Variants in LINGO2 observed in about 807,000 individuals in gnomAD.
LINGO2 encodes the protein leucine-rich repeat and immunoglobulin-like domain-containing nogo receptor-interacting protein 2.
Under a neutral mutation model 30.6 loss-of-function variants are expected in LINGO2, and 14 were observed. That is an observed-to-expected ratio of 0.46 (90% CI 0.30 to 0.72). LINGO2 has a LOEUF of 0.72. Among genes scored for constraint, LINGO2 ranks in the 30% least tolerant of loss-of-function variants. The pLI, the probability that LINGO2 is intolerant of heterozygous loss-of-function variation, is 0.07. For synonymous variants in LINGO2, 317 were observed against 288.5 expected (o/e 1.10, Z -1.00); for missense variants, 729 against 751.7 (o/e 0.97, Z 0.35).
intron 3 of LINGO2, among the ~76,000 whole-genome samples, chr9:28,354,864 C>G (rs1820104305): frequency 6.6e-6 from 1 of 151,962 alleles, no homozygotes; most frequent in Non-Finnish European, 1.5e-5. Context: ...TAAGAGCAGC[C>G]AAATAAAACC....
the LINGO2 span, among the ~76,000 whole-genome samples, chr9:28,887,148 G>A: frequency 6.6e-6 from 1 of 152,222 alleles, no homozygotes; most frequent in East Asian, 1.9e-4. Context: ...AAACACGCTT[G>A]TCAGTTTCTA....
intron 1 of LINGO2, among the ~76,000 whole-genome samples, chr9:28,532,864 G>A (rs1026114527): frequency 6.6e-6 from 1 of 151,938 alleles, no homozygotes; most frequent in Non-Finnish European, 1.5e-5. Context: ...TTCTAATTAC[G>A]TTTACTGCCT....
rs533449228 is a variant in LINGO2 at position 28,207,871 on chromosome 9, GT to G, written c.-87+87336del. Among the ~76,000 whole-genome samples, 180 of 148,704 alleles carry G rather than the reference GT, an allele frequency of 1.2e-3. 1 individual carries two copies. The highest frequency in any genetic ancestry group is 4.2e-3 in the African/African-American group (170 of 40,672). On this transcript the variant is annotated intron_variant, in intron 4 of 5. Transcript: ENST00000379992. Reference sequence around the variant, plus strand: ...TTGAAAACTGAAAGAGAAAGAGGGTGTTTTTTTTTTAAATGTTTTGCATGAA... The same window carrying G: ...TTGAAAACTGAAAGAGAAAGAGGGTGTTTTTTTTTAAATGTTTTGCATGAA...
At chr9:28,077,695 G>T (rs1265335973) in intron 4 of LINGO2, among the ~76,000 whole-genome samples, 1 of 147,870 alleles carries the variant, frequency 6.8e-6, no homozygotes, top group African/African-American at 2.7e-5. Context: ...GAGTAGAAAA[G>T]ATGCAAAAAA....
rs1476071060 is a variant in LINGO2, at chr9:28,179,493, T to C, written c.-87+115715A>G. On this transcript the variant is annotated intron_variant, in intron 4 of 5. Transcript: ENST00000379992. ...TACTATATATAGTTTATAGTATATA[T>C]ACTATATATGTACTATATATAGTTT... Among the ~76,000 whole-genome samples, 16 of 135,100 alleles carry C rather than the reference T, an allele frequency of 1.2e-4. No individual in the cohort carries two copies. The Admixed American group carries it at 1.3e-3, about 11-fold the overall frequency. 88.6% of individuals were successfully genotyped at this position (135,100 alleles called of 152,430 possible).
At chr9:28,472,605 C>A (rs1030473301) in intron 2 of LINGO2, among the ~76,000 whole-genome samples, 2 of 152,108 alleles carry the variant, frequency 1.3e-5, no homozygotes, top group African/African-American at 4.8e-5. Context: ...AAACCCTTTC[C>A]ATTTATTTCT....
the LINGO2 span, among the ~76,000 whole-genome samples, chr9:28,996,319 T>C: frequency 1.3e-5 from 2 of 152,160 alleles, no homozygotes; most frequent in African/African-American, 4.8e-5. Flanking sequence ...GGGCTGAGGA[T>C]ACCATTCACT....
Position 28,434,529 on chromosome 9 carries a change from C to CAAAA in LINGO2, c.-279+41407_-279+41410dup, listed in dbSNP as rs3064822. Among the ~76,000 whole-genome samples, 9 of 131,020 alleles carry CAAAA rather than the reference C, an allele frequency of 6.9e-5. 1 individual carries two copies. Among genetic ancestry groups the CAAAA allele is most frequent in the African/African-American group, 2.6e-4 (9 of 34,876 alleles). The allele number at this position is 131,020 out of a possible 152,430, so 86.0% of individuals were successfully genotyped here. ...CTGCCAGAATAAAGTTCTTGAGCAT[C>CAAAA]AAAAAAAAAAAAAAAAAATACTGGA... On this transcript the variant is annotated intron_variant, in intron 2 of 5. Transcript: ENST00000379992.
intron 3 of LINGO2, among the ~76,000 whole-genome samples, chr9:28,322,023 G>T (rs1825062067): frequency 6.6e-6 from 1 of 152,148 alleles, no homozygotes; most frequent in Non-Finnish European, 1.5e-5. Flanking sequence ...AGCTTTCCAT[G>T]CTACTTGGAA....
At chr9:28,391,441 G>T (rs954919643) in intron 2 of LINGO2, among the ~76,000 whole-genome samples, 7 of 152,144 alleles carry the variant, frequency 4.6e-5, no homozygotes, top group Non-Finnish European at 1.0e-4. Flanking sequence ...AAACTTCAGT[G>T]CCTGGATTCC....
In LINGO2 at chr9:28,044,372, T is replaced by C. The variant is rs117139628; in HGVS notation, c.-86-31967A>G. 6.6e-4 allele frequency among the ~76,000 whole-genome samples: 101 copies of C among 152,286 alleles called. No homozygotes were observed. In the East Asian group the frequency reaches 0.019, roughly 28 times the overall value. ...AACGTATTTCCCCATTAAATCATGT[T>C]AGATTTCAACTAAGTCTTTTTCTTC... On this transcript the variant is annotated intron_variant, in intron 4 of 5. Coordinates refer to ENST00000379992, the Ensembl canonical transcript of LINGO2.
rs372527860 is a variant in LINGO2, at chr9:28,355,333, G to GTCTC, written c.-246+17499_-246+17502dup. On this transcript the variant is annotated intron_variant, in intron 3 of 5. Coordinates refer to ENST00000379992, the Ensembl canonical transcript of LINGO2. ...TCTCTCTCTCTCTCTCTCTGTCTCT[G>GTCTC]TCTCTCTCTCTCTCTCTCTCTCCCT... Among the ~76,000 whole-genome samples the GTCTC allele has an allele frequency of 3.3e-4, 21 of 63,830 alleles. No homozygotes were observed. In the South Asian group the frequency reaches 0.01, roughly 31 times the overall value. The allele number at this position is 63,830 out of a possible 152,430, so 41.9% of individuals were successfully genotyped here.
At chr9:28,357,315 G>GCCC (rs747187754) in intron 3 of LINGO2, among the ~76,000 whole-genome samples, 3,421 of 64,560 alleles carry the variant, frequency 0.053, 131 homozygotes, top group Non-Finnish European at 0.081. Flanking sequence ...CAGAAATAAA[G>GCCC]CCCACCCCCC....
chr9:28,349,708 A>G (rs1244277173), intron 3 of LINGO2, among the ~76,000 whole-genome samples: 11 of 144,326 alleles, frequency 7.6e-5, no homozygotes, highest in Non-Finnish European at 1.7e-4. Context: ...CAGATTCACC[A>G]AAGTTGAAAT....
chr9:28,948,299 A>G, the LINGO2 span, among the ~76,000 whole-genome samples: 2 of 152,148 alleles, frequency 1.3e-5, no homozygotes, highest in Non-Finnish European at 2.9e-5. Flanking sequence ...ATGTCTTTCT[A>G]AAAGTTGAAT....
intron 1 of LINGO2, among the ~76,000 whole-genome samples, chr9:28,486,804 T>G (rs980062638): frequency 1.3e-5 from 2 of 151,944 alleles, no homozygotes; most frequent in African/African-American, 4.8e-5. Context: ...AAAATAATAA[T>G]AAAATAGTGA....
intron 4 of LINGO2, among the ~76,000 whole-genome samples, chr9:28,270,284 G>A (rs1318430848): frequency 6.6e-6 from 1 of 152,034 alleles, no homozygotes; most frequent in Non-Finnish European, 1.5e-5. Context: ...GCCTATCAGT[G>A]CTTGTATCAA....
chr9:28,383,014 T>A (rs762824064), intron 2 of LINGO2, among the ~76,000 whole-genome samples: 7 of 151,932 alleles, frequency 4.6e-5, no homozygotes, highest in Non-Finnish European at 1.0e-4. Context: ...GATCCTATAG[T>A]AAAAGGTGGT....
At chr9:29,152,810 A>G in the LINGO2 span, among the ~76,000 whole-genome samples, 13 of 152,328 alleles carry the variant, frequency 8.5e-5, no homozygotes, top group Non-Finnish European at 1.3e-4. Flanking sequence ...GAACATATTT[A>G]AAATAAAAAT....
Sources: gnomAD v4.1 joint callset for allele counts (sites outside exome capture counted in the v4.1 genomes callset) on GRCh38, gnomAD v4.1.1 for gene constraint, MANE v1.5 for transcripts, NCBI Gene and HGNC (gene_info 2026-07-23, HGNC 2026-07-21) for gene names.